Variants in RANBP3L observed in about 807,000 individuals in gnomAD.
RANBP3L encodes RAN binding protein 3 like, also known as ran-binding protein 3-like.
Under a neutral mutation model 67.2 loss-of-function variants are expected in RANBP3L, and 56 were observed. The ratio of observed to expected loss-of-function variants is 0.83; its 90% CI spans 0.67 to 1.04. RANBP3L has a LOEUF of 1.04. Ranked by LOEUF, RANBP3L falls within the 50% of genes least tolerant of loss-of-function variation. The pLI is 0.00. For synonymous variants in RANBP3L, 164 were observed against 181.4 expected, an observed-to-expected ratio of 0.90 and a Z score of 0.77; for missense variants, 496 against 535.5, an observed-to-expected ratio of 0.93 and a Z score of 0.73.
intron 12 of RANBP3L, among the ~76,000 whole-genome samples, chr5:36,252,263 T>C (rs1748645756): frequency 6.6e-6 from 1 of 152,018 alleles, no homozygotes; most frequent in African/African-American, 2.4e-5. Context: ...GAATCCCAGG[T>C]TTTATCATTC....
rs558148413 is a variant in RANBP3L at position 36,253,803 on chromosome 5, G to A, written c.1025-14C>T. The A allele has an allele frequency of 6.2e-7, 1 of 1,611,282 alleles. No homozygotes were observed. The highest frequency in any genetic ancestry group is 2.2e-5 in the East Asian group (1 of 44,814). ...GATTGCGCATAACTAAAATAGGAAG[G>A]TGACTACATCAGGCCACAGAACAGT... On this transcript the variant is annotated splice_polypyrimidine_tract_variant and intron_variant, in intron 11 of 13. Coordinates refer to ENST00000296604, the MANE Select transcript of RANBP3L (RefSeq NM_145000.5).
chr5:36,273,924 G>C (rs1315224778), intron 1 of RANBP3L, among the ~76,000 whole-genome samples: 1 of 152,176 alleles, frequency 6.6e-6, no homozygotes, highest in East Asian at 1.9e-4. Context: ...TGTGTAAACA[G>C]ACTGGAAACT....
chr5:36,254,919 G>T (rs1748862345), intron 11 of RANBP3L, among the ~76,000 whole-genome samples: 1 of 152,048 alleles, frequency 6.6e-6, no homozygotes, highest in African/African-American at 2.4e-5. Flanking sequence ...GTGCCTGCAG[G>T]ATTCAATAAC....
intron 1 of RANBP3L, among the ~76,000 whole-genome samples, chr5:36,279,072 GA>G (rs894834505): frequency 2.6e-5 from 4 of 151,778 alleles, no homozygotes; most frequent in African/African-American, 7.3e-5. Context: ...ATTATCTGCA[GA>G]AAAAAAATAG....
chr5:36,269,888 CT>C (rs891606329), intron 3 of RANBP3L, 62 bp downstream of exon 3: 421 of 1,348,982 alleles, frequency 3.1e-4, no homozygotes, highest in Admixed American at 4.0e-4. Flanking sequence ...TGCCAAAATA[CT>C]TGTGTCTGCT....
At chr5:36,281,103 T>C (rs907144088) in intron 1 of RANBP3L, among the ~76,000 whole-genome samples, 3 of 152,204 alleles carry the variant, frequency 2.0e-5, no homozygotes, top group African/African-American at 7.2e-5. Context: ...TTTAAAAACC[T>C]GAGCTTTGGA....
intron 8 of RANBP3L, among the ~76,000 whole-genome samples, chr5:36,257,804 G>A (rs1230842935): frequency 1.3e-5 from 2 of 151,954 alleles, no homozygotes; most frequent in East Asian, 1.9e-4. Context: ...ATCTAGTCCC[G>A]GAGGCAATGG....
chr5:36,259,771 A>C (rs887951794), intron 8 of RANBP3L, among the ~76,000 whole-genome samples: 3 of 152,104 alleles, frequency 2.0e-5, no homozygotes, highest in Non-Finnish European at 4.4e-5. Flanking sequence ...AAGCTGGAAA[A>C]GGTATGAAGA....
chr5:36,274,595 C>G (rs908273150), intron 1 of RANBP3L, among the ~76,000 whole-genome samples: 3 of 152,146 alleles, frequency 2.0e-5, no homozygotes, highest in African/African-American at 4.8e-5. Context: ...GGTTACAAAA[C>G]AGGGCTGGAG....
At chr5:36,283,404 A>AAG (rs1474150841) in intron 1 of RANBP3L, among the ~76,000 whole-genome samples, 4 of 151,782 alleles carry the variant, frequency 2.6e-5, no homozygotes, top group Non-Finnish European at 5.9e-5. Context: ...ATGTTACAAA[A>AAG]AAAAAAAAAC....
chr5:36,262,019 C>G lies in RANBP3L; in HGVS notation c.504G>C (p.Leu168Phe), dbSNP rs908563619. The G allele has an allele frequency of 6.3e-7, 1 of 1,598,342 alleles. No individual in the cohort carries two copies. Among genetic ancestry groups the G allele is most frequent in the African/African-American group, 1.3e-5 (1 of 74,478 alleles). ...NNKISEGNSY[L>F]LSENLSRARI... is the part of the protein sequence containing the mutation. ...TAGCCCTTGATAAATTTTCACTTAA[C>G]AAATAGGAATTTCCCTCAGAAATCT... Residue 168 changes from leucine to phenylalanine, a missense_variant, in exon 7 of 14, where the codon TTG becomes TTC. Coordinates refer to ENST00000296604, the MANE Select transcript of RANBP3L (RefSeq NM_145000.5).
chr5:36,252,184 G>A (rs114988866), intron 12 of RANBP3L, among the ~76,000 whole-genome samples: 2,092 of 152,122 alleles, frequency 0.014, 18 homozygotes, highest in Non-Finnish European at 0.02. Context: ...CTTTATGAAT[G>A]AGGAAATTAT....
chr5:36,288,551 T>G (rs947186974), intron 1 of RANBP3L, among the ~76,000 whole-genome samples: 44 of 152,284 alleles, frequency 2.9e-4, no homozygotes, highest in African/African-American at 1.0e-3. Context: ...TATAAGAAAC[T>G]GCCAAACTGT....
At chr5:36,281,427 T>C (rs1750962495) in intron 1 of RANBP3L, among the ~76,000 whole-genome samples, 2 of 152,204 alleles carry the variant, frequency 1.3e-5, no homozygotes, top group Admixed American at 1.3e-4. Flanking sequence ...ACACAGATAA[T>C]TCTTAGATAT....
chr5:36,258,010 G>A (rs552982052), intron 8 of RANBP3L, among the ~76,000 whole-genome samples: 75 of 152,112 alleles, frequency 4.9e-4, no homozygotes, highest in African/African-American at 1.7e-3. Flanking sequence ...TCTGTATATA[G>A]TAATAGAAAC....
At chr5:36,284,214 T>G (rs1002005812) in intron 1 of RANBP3L, among the ~76,000 whole-genome samples, 1 of 152,356 alleles carries the variant, frequency 6.6e-6, no homozygotes, top group Admixed American at 6.5e-5. Context: ...AAAAGATACC[T>G]TCACACCAGC....
At chr5:36,260,360 C>CAAAA (rs1276517049) in intron 8 of RANBP3L, among the ~76,000 whole-genome samples, 28 of 78,868 alleles carry the variant, frequency 3.6e-4, no homozygotes, top group South Asian at 7.8e-4. Context: ...GACTCTGTCT[C>CAAAA]AAAAAAAAAA....
chr5:36,282,486 T>C (rs1751036476), intron 1 of RANBP3L, among the ~76,000 whole-genome samples: 2 of 152,192 alleles, frequency 1.3e-5, no homozygotes, highest in Admixed American at 6.5e-5. Flanking sequence ...CCTTCCCCTT[T>C]GGTGAAGAAA....
chr5:36,295,022 G>A (rs895197783), intron 1 of RANBP3L, among the ~76,000 whole-genome samples: 15 of 150,944 alleles, frequency 9.9e-5, no homozygotes, highest in Non-Finnish European at 1.8e-4. Context: ...TGATCCATTC[G>A]TTTGTCAGTG....
Sources: gnomAD v4.1 joint callset for allele counts (sites outside exome capture counted in the v4.1 genomes callset) on GRCh38, gnomAD v4.1.1 for gene constraint, MANE v1.5 for transcripts, NCBI Gene and HGNC (gene_info 2026-07-23, HGNC 2026-07-21) for gene names.